PSD3: variants seen among roughly 807,000 people sequenced by gnomAD.
The protein encoded by PSD3 is PH and SEC7 domain-containing protein 3.
Under a neutral mutation model 105.5 loss-of-function variants are expected in PSD3, and 49 were observed. The ratio of observed to expected loss-of-function variants is 0.46; its 90% CI spans 0.37 to 0.59. The LOEUF is 0.59. PSD3 is among the 20% of genes least tolerant of loss of function. The probability of loss-of-function intolerance (pLI) is 0.00; values close to 1 mark genes in which losing one functional copy is unlikely to be tolerated. For synonymous variants in PSD3, 557 were observed against 457.8 expected (o/e 1.22, Z -2.77); for missense variants, 1,561 against 1,263.8 (o/e 1.24, Z -3.57).
intron 2 of PSD3, among the ~76,000 whole-genome samples, chr8:18,903,415 T>C (rs1819640212): frequency 6.6e-6 from 1 of 152,102 alleles, no homozygotes; most frequent in Non-Finnish European, 1.5e-5. Context: ...TAGCTGTTTT[T>C]TGCAGCATGG....
intron 2 of PSD3, among the ~76,000 whole-genome samples, chr8:18,935,551 G>A (rs890678020): frequency 1.3e-5 from 2 of 150,826 alleles, no homozygotes; most frequent in African/African-American, 4.9e-5. Context: ...TTTTTAATTA[G>A]TCAGGTGTGG....
At chr8:18,849,610 T>C (rs1163520891) in intron 4 of PSD3, 1 of 152,228 alleles carries the variant, frequency 6.6e-6, no homozygotes, top group Non-Finnish European at 1.5e-5. Context: ...ATAGGCTACA[T>C]GCTCCCATGA....
At position 18,530,683 on chromosome 8, in the gene PSD3, G is replaced by GC. The variant is rs1799598174; in HGVS notation, c.*5059dup. On this transcript the variant is annotated 3_prime_UTR_variant, in exon 16 of 16. Transcript: ENST00000327040. ...TAAAGTTACTAAGACTGCACAGGCTGCCTTTTTTTTTTTTTTTCTTTTCTT... is the reference window on the plus strand; with the variant it reads ...TAAAGTTACTAAGACTGCACAGGCTGCCCTTTTTTTTTTTTTTTCTTTTCTT... 6.8e-6 allele frequency: 1 copy of GC among 147,398 alleles called. No homozygotes were observed. The highest frequency in any genetic ancestry group is 6.8e-5 in the Admixed American group (1 of 14,754). 9.1% of individuals were successfully genotyped at this position (147,398 alleles called of 1,614,324 possible).
At chr8:18,777,773 T>C (rs1041756158) in intron 8 of PSD3, among the ~76,000 whole-genome samples, 1 of 152,172 alleles carries the variant, frequency 6.6e-6, no homozygotes, top group African/African-American at 2.4e-5. Context: ...TCTAACTATA[T>C]GTTTCCATTC....
chr8:18,695,571 C>A (rs1266951923), intron 9 of PSD3, among the ~76,000 whole-genome samples: 2 of 152,134 alleles, frequency 1.3e-5, no homozygotes, highest in Non-Finnish European at 2.9e-5. Flanking sequence ...AATATTTACA[C>A]AAGATATTAG....
chr8:18,634,523 A>T (rs1019376449), intron 10 of PSD3, among the ~76,000 whole-genome samples: 1 of 151,834 alleles, frequency 6.6e-6, no homozygotes, highest in African/African-American at 2.4e-5. Context: ...CTAGTTTACC[A>T]TTTTTTTCTA....
intron 4 of PSD3, among the ~76,000 whole-genome samples, chr8:18,842,926 C>A (rs1378425682): frequency 6.6e-6 from 1 of 152,154 alleles, no homozygotes; most frequent in Non-Finnish European, 1.5e-5. Context: ...TGGAACCAGG[C>A]ATGGACTTTC....
At chr8:18,894,750 A>G (rs1819029011) in intron 2 of PSD3, among the ~76,000 whole-genome samples, 1 of 152,152 alleles carries the variant, frequency 6.6e-6, no homozygotes, top group Non-Finnish European at 1.5e-5. Context: ...CGGAACTCCC[A>G]CCCTATGATA....
chr8:18,839,954 C>T lies in PSD3; in HGVS notation c.1634+27720G>A, dbSNP rs555983577. Reference sequence around the variant, plus strand: ...ACAGAGACAGACAGTGCCACCCTTCCATAAAAACTTCTCCCCTCCCACAAA... The same window carrying T: ...ACAGAGACAGACAGTGCCACCCTTCTATAAAAACTTCTCCCCTCCCACAAA... On this transcript the variant is annotated intron_variant, in intron 4 of 15. Coordinates refer to ENST00000327040, the MANE Select transcript of PSD3 (RefSeq NM_015310.4). 5.3e-5 allele frequency among the ~76,000 whole-genome samples: 8 copies of T among 152,222 alleles called. 1 individual carries two copies. In the South Asian group the frequency reaches 1.7e-3, roughly 32 times the overall value.
chr8:19,045,900 C>T (rs533617074), intron 1 of PSD3, among the ~76,000 whole-genome samples: 5 of 152,280 alleles, frequency 3.3e-5, no homozygotes, highest in East Asian at 3.9e-4. Context: ...GCTTGCATTA[C>T]GTCTAATCAT....
At chr8:18,779,896 T>C (rs555198445) in intron 8 of PSD3, among the ~76,000 whole-genome samples, 1 of 152,358 alleles carries the variant, frequency 6.6e-6, no homozygotes, top group East Asian at 1.9e-4. Context: ...ACTTGTTCTG[T>C]AGCTGTTGGA....
intron 1 of PSD3, among the ~76,000 whole-genome samples, chr8:19,042,865 A>C (rs1828169518): frequency 6.6e-6 from 1 of 152,232 alleles, no homozygotes; most frequent in Non-Finnish European, 1.5e-5. Context: ...CCTTATAAGA[A>C]GAAAATTAAT....
intron 2 of PSD3, among the ~76,000 whole-genome samples, chr8:18,875,976 A>G (rs1316720850): frequency 6.6e-6 from 1 of 152,248 alleles, no homozygotes; most frequent in Non-Finnish European, 1.5e-5. Flanking sequence ...GACACTTCAT[A>G]TAAATGCAAT....
chr8:18,557,927 C>A (rs1777793968), intron 14 of PSD3, among the ~76,000 whole-genome samples: 1 of 152,108 alleles, frequency 6.6e-6, no homozygotes, highest in Non-Finnish European at 1.5e-5. Flanking sequence ...AAAATGGGGT[C>A]CCTAAAGAAG....
intron 8 of PSD3, among the ~76,000 whole-genome samples, chr8:18,772,788 G>A (rs1807663102): frequency 6.6e-6 from 1 of 152,156 alleles, no homozygotes; most frequent in South Asian, 2.1e-4. Flanking sequence ...GGGATTACAG[G>A]CATGAGCCAC....
At position 18,684,004 on chromosome 8, in the gene PSD3, G is replaced by A. The variant is rs143318444; in HGVS notation, c.2173-28319C>T. Reference sequence around the variant, plus strand: ...TTTCCAACCGTTCCAAGGCTCTCACGCTGGAGGAACTCTGCGGGGTTGTGC... The same window carrying A: ...TTTCCAACCGTTCCAAGGCTCTCACACTGGAGGAACTCTGCGGGGTTGTGC... On this transcript the variant is annotated intron_variant, in intron 9 of 15. Coordinates refer to ENST00000327040, the MANE Select transcript of PSD3 (RefSeq NM_015310.4). 5.9e-4 allele frequency: 419 copies of A among 707,222 alleles called. 2 individuals carry two copies. In the African/African-American group the frequency reaches 6.2e-3, roughly 10 times the overall value. The allele number at this position is 707,222 out of a possible 1,614,324, so 43.8% of individuals were successfully genotyped here. A position where few individuals can be genotyped will look rare whatever the true frequency, so the allele number is the denominator to read the frequency against.
chr8:18,571,871 C>A (rs1474447155), intron 14 of PSD3, among the ~76,000 whole-genome samples: 2 of 148,236 alleles, frequency 1.3e-5, no homozygotes, highest in African/African-American at 2.5e-5. Flanking sequence ...GTACTACAGA[C>A]AGGTTTAAAA....
chr8:18,806,570 G>A (rs1430858786), intron 4 of PSD3, among the ~76,000 whole-genome samples: 3 of 152,190 alleles, frequency 2.0e-5, no homozygotes, highest in Admixed American at 6.5e-5. Flanking sequence ...AACCAAGGGC[G>A]GTCAGAATTT....
intron 4 of PSD3, among the ~76,000 whole-genome samples, chr8:18,812,548 C>T (rs1324346963): frequency 6.6e-6 from 1 of 151,982 alleles, no homozygotes; most frequent in Non-Finnish European, 1.5e-5. Context: ...GGCTATAGGT[C>T]CCGGAGGACC....
Sources: allele counts gnomAD v4.1 joint callset (sites outside exome capture counted in the v4.1 genomes callset), GRCh38; gene constraint gnomAD v4.1.1; transcripts MANE v1.5; gene names NCBI Gene and HGNC (gene_info 2026-07-23, HGNC 2026-07-21).